The following RNF175 variants were observed in gnomAD, a reference collection of about 807,000 sequenced individuals.
The protein encoded by RNF175 is ring finger protein 175.
A neutral mutation model predicts 50.0 loss-of-function variants in RNF175; 38 were observed. That is an observed-to-expected ratio of 0.76 (90% CI 0.59 to 1.00). The LOEUF is 1.00. Ranked by LOEUF, RNF175 falls within the 50% of genes least tolerant of loss-of-function variation. RNF175 has a pLI of 0.00. For missense variants in RNF175, 388 were observed against 409.6 expected (o/e 0.95, Z 0.46); for synonymous variants, 155 against 146.1 (o/e 1.06, Z -0.44).
At chr4:153,749,825 C>A (rs1740190934) in intron 2 of RNF175, among the ~76,000 whole-genome samples, 1 of 152,194 alleles carries the variant, frequency 6.6e-6, no homozygotes, top group Non-Finnish European at 1.5e-5. Flanking sequence ...ATGTCCTAAT[C>A]CCCTGTACTT....
At chr4:153,747,350 A>G (rs929780492) in intron 3 of RNF175, among the ~76,000 whole-genome samples, 5 of 152,218 alleles carry the variant, frequency 3.3e-5, no homozygotes, top group African/African-American at 1.2e-4. Flanking sequence ...ATATGCAGTT[A>G]AAAGAAGCCA....
At chr4:153,747,924 C>G (rs1474425070) in intron 3 of RNF175, among the ~76,000 whole-genome samples, 1 of 152,188 alleles carries the variant, frequency 6.6e-6, no homozygotes, top group East Asian at 1.9e-4. Flanking sequence ...CTAGAAAGTA[C>G]AAGACAGAGG....
chr4:153,743,410 C>T (rs751383566), intron 3 of RNF175, among the ~76,000 whole-genome samples: 2 of 152,156 alleles, frequency 1.3e-5, no homozygotes, highest in Non-Finnish European at 2.9e-5. Context: ...CAACCTGTTC[C>T]TTTGGGGCAA....
intron 7 of RNF175, chr4:153,714,465 T>C (rs2127087492): frequency 6.6e-6 from 1 of 152,358 alleles, no homozygotes; most frequent in South Asian, 2.1e-4. Flanking sequence ...TCATAGGTAC[T>C]GGACACCGAG....
At chr4:153,726,256 C>A (rs1050190845) in intron 4 of RNF175, among the ~76,000 whole-genome samples, 4 of 152,140 alleles carry the variant, frequency 2.6e-5, no homozygotes, top group Non-Finnish European at 5.9e-5. Context: ...AAGCACCTGC[C>A]ACCACACCCA....
At chr4:153,723,850 TG>T (rs1477822663) in intron 4 of RNF175, among the ~76,000 whole-genome samples, 1 of 152,120 alleles carries the variant, frequency 6.6e-6, no homozygotes, top group Non-Finnish European at 1.5e-5. Flanking sequence ...GAACAAAAAG[TG>T]GGATGAGAAG....
chr4:153,718,523 G>A (rs557767929), intron 6 of RNF175, among the ~76,000 whole-genome samples: 1 of 152,066 alleles, frequency 6.6e-6, no homozygotes, highest in Non-Finnish European at 1.5e-5. Flanking sequence ...GTTGGATCAG[G>A]TGAGAAGTTT....
intron 3 of RNF175, among the ~76,000 whole-genome samples, chr4:153,732,792 C>T (rs1739114134): frequency 6.6e-6 from 1 of 152,146 alleles, no homozygotes; most frequent in African/African-American, 2.4e-5. Context: ...CTGTTCAAAG[C>T]ATTTGGAAAT....
intron 3 of RNF175, among the ~76,000 whole-genome samples, chr4:153,736,924 A>C (rs577481329): frequency 6.6e-6 from 1 of 152,288 alleles, no homozygotes; most frequent in Non-Finnish European, 1.5e-5. Flanking sequence ...CAGTGGCACA[A>C]CCATAGCTCA....
chr4:153,711,856 T>C (rs998947792), intron 8 of RNF175, among the ~76,000 whole-genome samples: 19 of 152,254 alleles, frequency 1.2e-4, no homozygotes, highest in African/African-American at 3.6e-4. Context: ...CTGATGTCTA[T>C]ACAAATCTCA....
At chr4:153,756,428 A>C (rs534575034) in intron 1 of RNF175, among the ~76,000 whole-genome samples, 7 of 151,878 alleles carry the variant, frequency 4.6e-5, no homozygotes, top group Non-Finnish European at 1.0e-4. Context: ...CCCCCATCTC[A>C]GTTAATAGCA....
At chr4:153,727,058 A>AGGC (rs1738740510) in intron 4 of RNF175, among the ~76,000 whole-genome samples, 1 of 152,260 alleles carries the variant, frequency 6.6e-6, no homozygotes, top group Non-Finnish European at 1.5e-5. Context: ...TACAGTGGAT[A>AGGC]GGCGAACCAT....
At chr4:153,755,596 T>C (rs1232637326) in intron 1 of RNF175, among the ~76,000 whole-genome samples, 19 of 148,730 alleles carry the variant, frequency 1.3e-4, no homozygotes, top group Admixed American at 1.3e-3. Context: ...CTCAAAGACA[T>C]GGAAAACAGA....
intron 1 of RNF175, among the ~76,000 whole-genome samples, chr4:153,756,409 G>A (rs1223484446): frequency 6.6e-6 from 1 of 151,888 alleles, no homozygotes; most frequent in Non-Finnish European, 1.5e-5. Context: ...CCACTTCAGT[G>A]TCCTCCATCC....
At chr4:153,748,451 G>A in intron 3 of RNF175, 194 bp downstream of exon 3, 1 of 487,094 alleles carries the variant, frequency 2.1e-6, no homozygotes, top group South Asian at 4.0e-5. Context: ...CCCCCCACAA[G>A]TCTTGACAGT....
chr4:153,712,320 G>A (rs1276862193), intron 8 of RNF175, among the ~76,000 whole-genome samples, 155 bp downstream of exon 8: 1 of 152,186 alleles, frequency 6.6e-6, no homozygotes, highest in Non-Finnish European at 1.5e-5. Flanking sequence ...GCACAGAGGA[G>A]AAAAGAGACC....
At chr4:153,759,595 G>A (rs1740724995) in intron 1 of RNF175, among the ~76,000 whole-genome samples, 2 of 152,136 alleles carry the variant, frequency 1.3e-5, no homozygotes, top group Non-Finnish European at 1.5e-5. Context: ...AAGTGGGGAG[G>A]GAGGGAGTGG....
chr4:153,742,035 C>A (rs1560789158), intron 3 of RNF175, among the ~76,000 whole-genome samples: 2 of 152,060 alleles, frequency 1.3e-5, no homozygotes, highest in Non-Finnish European at 2.9e-5. Flanking sequence ...CCTTGGGAGG[C>A]CAGCCGAGGC....
chr4:153,758,873 G>A (rs576884691), intron 1 of RNF175, among the ~76,000 whole-genome samples: 1 of 152,106 alleles, frequency 6.6e-6, no homozygotes, highest in African/African-American at 2.4e-5. Flanking sequence ...CCAACACCCA[G>A]CTCGAATGCC....
Sources: gnomAD v4.1 joint callset for allele counts (sites outside exome capture counted in the v4.1 genomes callset) on GRCh38, gnomAD v4.1.1 for gene constraint, MANE v1.5 for transcripts, NCBI Gene and HGNC (gene_info 2026-07-23, HGNC 2026-07-21) for gene names.